Variants in MAN2A1 observed in about 807,000 individuals in gnomAD.
The protein encoded by MAN2A1 is mannosidase alpha class 2A member 1, also known as alpha-mannosidase 2.
In MAN2A1, 76 loss-of-function variants were observed where a neutral mutation model predicts 142.6. The observed-to-expected ratio is 0.53, with a 90% CI of 0.44 to 0.65. The LOEUF is 0.65. Among genes scored for constraint, MAN2A1 ranks in the 30% least tolerant of loss-of-function variants. The pLI is 0.00. For missense variants in MAN2A1, 1,311 were observed against 1,365.1 expected (o/e 0.96, Z 0.62); for synonymous variants, 559 against 473.2 (o/e 1.18, Z -2.35).
chr5:109,706,506 A>G (rs1751137058), intron 1 of MAN2A1, among the ~76,000 whole-genome samples: 1 of 152,228 alleles, frequency 6.6e-6, no homozygotes, highest in Admixed American at 6.5e-5. Context: ...GGATTAAGTT[A>G]CTTCCCCAAG....
chr5:109,718,556 T>G (rs1327094805), intron 3 of MAN2A1, among the ~76,000 whole-genome samples: 1 of 152,200 alleles, frequency 6.6e-6, no homozygotes, highest in Non-Finnish European at 1.5e-5. Context: ...AAAGAACATA[T>G]GCCTCCTATT....
intron 12 of MAN2A1, among the ~76,000 whole-genome samples, chr5:109,812,467 C>T (rs1393710202): frequency 6.6e-6 from 1 of 152,070 alleles, no homozygotes; most frequent in Non-Finnish European, 1.5e-5. Context: ...CTAGATATTG[C>T]AACTTCTGTT....
chr5:109,752,609 G>A (rs1401473987), intron 4 of MAN2A1, among the ~76,000 whole-genome samples: 1 of 152,140 alleles, frequency 6.6e-6, no homozygotes, highest in Non-Finnish European at 1.5e-5. Flanking sequence ...GGGGTACAGT[G>A]GGAGTGTTAG....
In MAN2A1 at chr5:109,713,662, A is replaced by C; in HGVS notation, c.278A>C (p.Asn93Thr). ...GATGGTCCGAAAAGTTCACAAAGCA[A>C]TTTCAGCCAAGGTGCTGGCTCACAT... Reference protein sequence around the residue: ...VEDGPKSSQSNFSQGAGSHLL... With the variant: ...VEDGPKSSQSTFSQGAGSHLL... Residue 93 changes from asparagine (N) to threonine (T), a missense_variant, in exon 2 of 22, where the codon AAT (asparagine) becomes ACT (threonine). Physicochemically the swap from Asn to Thr is moderately conservative, Grantham distance 65. Coordinates refer to ENST00000261483, the MANE Select transcript of MAN2A1 (RefSeq NM_002372.4). 1 of 1,614,196 alleles carries C rather than the reference A, an allele frequency of 6.2e-7. No individual in the cohort carries two copies. Among genetic ancestry groups the C allele is most frequent in the Non-Finnish European group, 8.5e-7 (1 of 1,180,026 alleles).
intron 16 of MAN2A1, among the ~76,000 whole-genome samples, chr5:109,840,847 G>C (rs984179451): frequency 6.6e-6 from 1 of 151,980 alleles, no homozygotes; most frequent in East Asian, 1.9e-4. Context: ...AGGATCACGG[G>C]TGCCAGCCCC....
At chr5:109,778,491 C>T (rs553827529) in intron 8 of MAN2A1, among the ~76,000 whole-genome samples, 1 of 152,132 alleles carries the variant, frequency 6.6e-6, no homozygotes, top group South Asian at 2.1e-4. Context: ...TGTAGATTCC[C>T]TTTATCAGAT....
At chr5:109,830,074 T>C (rs1024165404) in intron 16 of MAN2A1, among the ~76,000 whole-genome samples, 3 of 152,194 alleles carry the variant, frequency 2.0e-5, no homozygotes, top group African/African-American at 4.8e-5. Context: ...GGGGCTCTTA[T>C]CAAATCCAAG....
intron 5 of MAN2A1, among the ~76,000 whole-genome samples, chr5:109,767,199 C>G (rs1238481219): frequency 1.3e-5 from 2 of 152,144 alleles, no homozygotes; most frequent in Admixed American, 6.5e-5. Context: ...GATATCCTTC[C>G]AGGAAGGGCC....
chr5:109,817,267 T>C lies in MAN2A1; in HGVS notation c.1944-6T>C, dbSNP rs1285671450. 1.2e-6 allele frequency: 2 copies of C among 1,612,348 alleles called. No individual in the cohort carries two copies. Among genetic ancestry groups the C allele is most frequent in the Admixed American group, 1.7e-5 (1 of 59,768 alleles). On this transcript the variant is annotated splice_polypyrimidine_tract_variant and splice_region_variant and intron_variant, in intron 12 of 21. Transcript: ENST00000261483. ...GATCCCAATAATGAAGCAGCTGTTT[T>C]TGCAGGTACCTTGTGGTCTATAATC...
Position 109,770,267 on chromosome 5 carries a change from T to G in MAN2A1, c.1010-88T>G. On this transcript the variant is annotated intron_variant, in intron 6 of 21. Transcript: ENST00000261483. ...ATTTAGCACAGAGCTAAATCAGCAT[T>G]ACTTTGTGTAAAGTAATGACATTTT... 1.6e-6 allele frequency: 2 copies of G among 1,229,384 alleles called. 1 individual carries two copies. The highest frequency in any genetic ancestry group is 2.3e-6 in the Non-Finnish European group (2 of 862,838). 76.2% of individuals were successfully genotyped at this position (1,229,384 alleles called of 1,614,324 possible).
chr5:109,739,685 C>T (rs573443670), intron 4 of MAN2A1, among the ~76,000 whole-genome samples: 2 of 152,312 alleles, frequency 1.3e-5, no homozygotes, highest in African/African-American at 4.8e-5. Context: ...CATGGTGTAA[C>T]TTGCCTTGAA....
chr5:109,711,170 T>A (rs1230852557), intron 1 of MAN2A1, among the ~76,000 whole-genome samples: 1 of 152,150 alleles, frequency 6.6e-6, no homozygotes, highest in Non-Finnish European at 1.5e-5. Flanking sequence ...GCATTTTAGA[T>A]TAAGGTAATG....
chr5:109,709,186 T>C (rs1751226635), intron 1 of MAN2A1, among the ~76,000 whole-genome samples: 1 of 152,214 alleles, frequency 6.6e-6, no homozygotes, highest in Non-Finnish European at 1.5e-5. Context: ...GTTTGACTTT[T>C]TTAGATGTAT....
intron 19 of MAN2A1, among the ~76,000 whole-genome samples, chr5:109,849,404 T>G (rs1755422188): frequency 6.6e-6 from 1 of 152,012 alleles, no homozygotes; most frequent in Non-Finnish European, 1.5e-5. Flanking sequence ...TAATCTCTCT[T>G]CTCTCCCAAA....
chr5:109,811,604 G>T (rs1033270685), intron 12 of MAN2A1, among the ~76,000 whole-genome samples: 7 of 151,086 alleles, frequency 4.6e-5, no homozygotes, highest in African/African-American at 1.5e-4. Flanking sequence ...GTGTGTGTGT[G>T]TGTCTGTGTC....
At chr5:109,765,435 A>T (rs1213676393) in intron 5 of MAN2A1, among the ~76,000 whole-genome samples, 2 of 152,098 alleles carry the variant, frequency 1.3e-5, no homozygotes, top group Admixed American at 6.5e-5. Flanking sequence ...GTGATGTCCC[A>T]TTGTCCTCAC....
intron 3 of MAN2A1, among the ~76,000 whole-genome samples, chr5:109,718,823 TG>T (rs1751525265): frequency 1.3e-5 from 2 of 152,190 alleles, no homozygotes; most frequent in African/African-American, 4.8e-5. Context: ...GAATCATAAC[TG>T]GCACATGGTA....
chr5:109,751,336 G>T (rs2218071), intron 4 of MAN2A1, among the ~76,000 whole-genome samples: 18,587 of 151,864 alleles, frequency 0.12, 1,393 homozygotes, highest in African/African-American at 0.22. Flanking sequence ...GATTTCATAG[G>T]TTTTTATGAC....
At chr5:109,744,684 C>T (rs374901477) in intron 4 of MAN2A1, among the ~76,000 whole-genome samples, 65 of 152,146 alleles carry the variant, frequency 4.3e-4, no homozygotes, top group South Asian at 2.1e-3. Flanking sequence ...AAAATGGGGG[C>T]GACTTTCTGA....
Sources: allele counts gnomAD v4.1 joint callset (sites outside exome capture counted in the v4.1 genomes callset), GRCh38; gene constraint gnomAD v4.1.1; transcripts MANE v1.5; gene names NCBI Gene and HGNC (gene_info 2026-07-23, HGNC 2026-07-21).